Variants in C8orf34 observed in about 807,000 individuals in gnomAD.
C8orf34 encodes the protein chromosome 8 open reading frame 34.
Under a neutral mutation model 68.3 loss-of-function variants are expected in C8orf34, and 65 were observed. That is an observed-to-expected ratio of 0.95 (90% confidence interval 0.78 to 1.17). The LOEUF is 1.17. Among genes scored for constraint, C8orf34 ranks in the 50% most tolerant of loss-of-function variants. The pLI is 0.00. For missense variants in C8orf34, 664 were observed against 655.4 expected, an observed-to-expected ratio of 1.01 and a Z score of -0.14; for synonymous variants, 244 against 241.2, an observed-to-expected ratio of 1.01 and a Z score of -0.11.
intron 10 of C8orf34, among the ~76,000 whole-genome samples, chr8:68,745,343 C>T (rs1420096463): frequency 1.3e-5 from 2 of 151,378 alleles, no homozygotes; most frequent in African/African-American, 4.9e-5. Flanking sequence ...GCAAAATAAC[C>T]AGCTAACATC....
intron 3 of C8orf34, among the ~76,000 whole-genome samples, chr8:68,458,091 T>G (rs1269245076): frequency 6.6e-6 from 1 of 152,128 alleles, no homozygotes; most frequent in African/African-American, 2.4e-5. Flanking sequence ...CCTCGTTTGA[T>G]TCCCATGATA....
chr8:68,799,947 G>A (rs1824282368), intron 12 of C8orf34, among the ~76,000 whole-genome samples: 2 of 152,158 alleles, frequency 1.3e-5, no homozygotes, highest in African/African-American at 4.8e-5. Context: ...CACAGCATGG[G>A]CAAGGACACA....
chr8:68,435,590 ATC>A (rs2129625278), intron 1 of C8orf34, among the ~76,000 whole-genome samples: 1 of 152,258 alleles, frequency 6.6e-6, no homozygotes, highest in South Asian at 2.1e-4. Flanking sequence ...GCTGCTGTGA[ATC>A]TCTCATCTGT....
chr8:68,407,075 C>T (rs1466810442), intron 1 of C8orf34, among the ~76,000 whole-genome samples: 2 of 152,242 alleles, frequency 1.3e-5, no homozygotes, highest in Middle Eastern at 3.4e-3. Context: ...GAATCATACC[C>T]ATAGAACTGG....
chr8:68,776,294 T>G, intron 10 of C8orf34, 105 bp from the exon 11 acceptor site: 1 of 786,764 alleles, frequency 1.3e-6, no homozygotes, highest in South Asian at 1.6e-5. Context: ...GGTGGGAGAA[T>G]AGCAAATATT....
intron 11 of C8orf34, among the ~76,000 whole-genome samples, chr8:68,778,354 C>A (rs1205213656): frequency 1.3e-5 from 2 of 151,998 alleles, no homozygotes; most frequent in African/African-American, 4.8e-5. Context: ...AAACTCAAAC[C>A]ATAGTGTTTA....
intron 8 of C8orf34, among the ~76,000 whole-genome samples, chr8:68,704,006 C>A (rs1017537395): frequency 6.6e-6 from 1 of 152,254 alleles, no homozygotes; most frequent in East Asian, 1.9e-4. Flanking sequence ...GCCATATTTT[C>A]TTTTCTTTAT....
At chr8:68,483,335 A>G (rs1812939928) in intron 4 of C8orf34, among the ~76,000 whole-genome samples, 1 of 152,224 alleles carries the variant, frequency 6.6e-6, no homozygotes. Flanking sequence ...AAGGCTGAAG[A>G]AAGAGGCTGC....
At chr8:68,536,515 A>G (rs1417692085) in intron 7 of C8orf34, among the ~76,000 whole-genome samples, 1 of 151,962 alleles carries the variant, frequency 6.6e-6, no homozygotes, top group Non-Finnish European at 1.5e-5. Flanking sequence ...CTTACATTAG[A>G]TGCATTTTAA....
At chr8:68,604,577 A>G (rs1301655706) in intron 7 of C8orf34, among the ~76,000 whole-genome samples, 1 of 152,136 alleles carries the variant, frequency 6.6e-6, no homozygotes, top group Non-Finnish European at 1.5e-5. Context: ...GATCTTTGAC[A>G]AAGATGTGAA....
chr8:68,590,890 G>C (rs1817368497), intron 7 of C8orf34, among the ~76,000 whole-genome samples: 1 of 152,136 alleles, frequency 6.6e-6, no homozygotes, highest in Non-Finnish European at 1.5e-5. Flanking sequence ...GACTAGCAAA[G>C]ACCCAGAGTT....
chr8:68,796,301 T>G (rs1390968379), intron 12 of C8orf34, among the ~76,000 whole-genome samples: 1 of 152,200 alleles, frequency 6.6e-6, no homozygotes, highest in East Asian at 1.9e-4. Context: ...CCATTGTTCT[T>G]ATTGCTTTTC....
At chr8:68,683,622 T>C (rs1292157678) in intron 8 of C8orf34, among the ~76,000 whole-genome samples, 1 of 151,990 alleles carries the variant, frequency 6.6e-6, no homozygotes, top group Non-Finnish European at 1.5e-5. Flanking sequence ...TGGAAAAAGG[T>C]ATAAGTTTCA....
rs1361970873 is a variant in C8orf34, at chr8:68,599,122, C to T, written c.1106-41254C>T. Among the ~76,000 whole-genome samples the T allele has an allele frequency of 2.6e-5, 4 of 151,444 alleles. No homozygotes were observed. In the East Asian group the frequency reaches 7.8e-4, roughly 29 times the overall value. ...GCAGAATTAACAGAATAAAACAATC[C>T]CAAAATACTACTTAACATAGCATTA... On this transcript the variant is annotated intron_variant, in intron 7 of 13. Coordinates refer to ENST00000518698, the MANE Select transcript of C8orf34 (RefSeq NM_052958.4).
chr8:68,773,906 C>T (rs138376480), intron 10 of C8orf34, among the ~76,000 whole-genome samples: 1 of 152,186 alleles, frequency 6.6e-6, no homozygotes, highest in East Asian at 1.9e-4. Context: ...TTAAGAAAAC[C>T]CACGGTCATC....
chr8:68,704,581 CT>C (rs1030250246), intron 8 of C8orf34, among the ~76,000 whole-genome samples: 2 of 151,960 alleles, frequency 1.3e-5, no homozygotes, highest in African/African-American at 4.8e-5. Flanking sequence ...TTCTAAAATC[CT>C]TGTGAGTCAA....
At chr8:68,568,890 C>T (rs1816681610) in intron 7 of C8orf34, among the ~76,000 whole-genome samples, 1 of 145,960 alleles carries the variant, frequency 6.9e-6, no homozygotes, top group South Asian at 2.1e-4. Context: ...CTCTCTTGCG[C>T]TGCACAACTC....
At chr8:68,718,073 C>T (rs767123719) in intron 9 of C8orf34, among the ~76,000 whole-genome samples, 2 of 152,162 alleles carry the variant, frequency 1.3e-5, no homozygotes, top group Non-Finnish European at 2.9e-5. Context: ...CTTTTCCCTC[C>T]CTTCTCTGCC....
chr8:68,788,594 C>T lies in C8orf34; in HGVS notation c.1549+1058C>T, dbSNP rs377077330. Among the ~76,000 whole-genome samples the T allele has an allele frequency of 5.9e-5, 9 of 152,294 alleles. No homozygotes were observed. In the South Asian group the frequency reaches 1.9e-3, roughly 32 times the overall value. ...ACAACTGATAGGCTGGGCATGGTGG[C>T]TCACCCCTGTAATCCCAGCATTTTG... is the stretch of plus-strand genomic sequence containing the variant. On this transcript the variant is annotated intron_variant, in intron 12 of 13. Transcript: ENST00000518698.
Sources: gnomAD v4.1 joint callset for allele counts (sites outside exome capture counted in the v4.1 genomes callset) on GRCh38, gnomAD v4.1.1 for gene constraint, MANE v1.5 for transcripts, NCBI Gene and HGNC (gene_info 2026-07-23, HGNC 2026-07-21) for gene names.